CDK5RAP2: variants seen among roughly 807,000 people sequenced by gnomAD.
CDK5RAP2 encodes the protein CDK5 regulatory subunit-associated protein 2.
CDK5RAP2 carries 147 observed loss-of-function variants against 232.9 expected under a neutral mutation model. The ratio of observed to expected loss-of-function variants is 0.63; its 90% CI spans 0.55 to 0.72. CDK5RAP2 has a LOEUF of 0.72. CDK5RAP2 is among the 30% of genes least tolerant of loss of function. The pLI is 0.00. For synonymous variants in CDK5RAP2, 833 were observed against 833.7 expected (o/e 1.00, Z 0.01); for missense variants, 2,195 against 2,231.5 (o/e 0.98, Z 0.33).
chr9:120,575,919 T>C (rs2043016048), intron 1 of CDK5RAP2, among the ~76,000 whole-genome samples: 1 of 152,216 alleles, frequency 6.6e-6, no homozygotes, highest in Non-Finnish European at 1.5e-5. Flanking sequence ...CAAATAGATA[T>C]GCCTCAAAGT....
At chr9:120,421,615 C>T (rs1239405374) in intron 26 of CDK5RAP2, among the ~76,000 whole-genome samples, 2 of 152,168 alleles carry the variant, frequency 1.3e-5, no homozygotes, top group East Asian at 3.8e-4. Context: ...TACACAGCAA[C>T]AATAATAGCA....
chr9:120,443,602 CA>C lies in CDK5RAP2; in HGVS notation c.3148+17del. The C allele has an allele frequency of 1.9e-6, 3 of 1,613,908 alleles. No individual in the cohort carries two copies. Among genetic ancestry groups the C allele is most frequent in the Non-Finnish European group, 2.5e-6 (3 of 1,179,834 alleles). ...GCACATGGAAGCTGTTCAATACACA[CA>C]GGGGCTGAATTCTGACCAATCTCGT... On this transcript the variant is annotated intron_variant, in intron 23 of 37. Transcript: ENST00000349780.
chr9:120,512,231 C>T (rs2040128055), intron 12 of CDK5RAP2, among the ~76,000 whole-genome samples: 1 of 152,088 alleles, frequency 6.6e-6, no homozygotes, highest in Admixed American at 6.5e-5. Flanking sequence ...TGTCTATAGT[C>T]CCAGCTACTC....
intron 5 of CDK5RAP2, among the ~76,000 whole-genome samples, chr9:120,544,961 GTT>G (rs1725110527): frequency 6.6e-6 from 1 of 152,108 alleles, no homozygotes; most frequent in Non-Finnish European, 1.5e-5. Context: ...TGTAATAAAT[GTT>G]TACGAATGAG....
Position 120,407,125 on chromosome 9 carries a change from C to T in CDK5RAP2, c.4850G>A (p.Ser1617Asn), listed in dbSNP as rs370472476. Reference protein sequence around the residue: ...RSIETSSTLQSRLKEQLARGA... With the variant: ...RSIETSSTLQNRLKEQLARGA... ...CCTTGCCAGCTGTTCCTTGAGCCTG[C>T]TCTGCAGAGTGCTGCTGGTTTCGAT... Residue 1617 changes from serine to asparagine, a missense_variant, in exon 32 of 38, where the codon AGC becomes AAC. Physicochemically the swap from Ser to Asn is conservative, Grantham distance 46. Coordinates refer to ENST00000349780, the MANE Select transcript of CDK5RAP2 (RefSeq NM_018249.6). 3.0e-5 allele frequency: 49 copies of T among 1,614,000 alleles called. No individual in the cohort carries two copies. The highest frequency in any genetic ancestry group is 3.6e-5 in the Non-Finnish European group (43 of 1,180,046).
At chr9:120,400,678 G>C (rs2032925671) in intron 35 of CDK5RAP2, 64 bp downstream of exon 35, 19 of 1,601,276 alleles carry the variant, frequency 1.2e-5, no homozygotes, top group Non-Finnish European at 1.6e-5. Flanking sequence ...GCTTGGCATG[G>C]AGGAAACTGA....
At chr9:120,512,322 C>A (rs2040131994) in intron 12 of CDK5RAP2, among the ~76,000 whole-genome samples, 2 of 152,178 alleles carry the variant, frequency 1.3e-5, no homozygotes, top group Admixed American at 1.3e-4. Context: ...ACACAACAGC[C>A]TGAGTGACAG....
chr9:120,470,282 A>G (rs1365717440), intron 16 of CDK5RAP2, 62 bp from the exon 17 acceptor site: 1 of 802,564 alleles, frequency 1.2e-6, no homozygotes, highest in Non-Finnish European at 2.1e-6. Context: ...TCAGAAACAG[A>G]TCCTCCCAAG....
Position 120,389,772 on chromosome 9 carries a change from T to C in CDK5RAP2, c.5594A>G (p.Lys1865Arg). ...VIFDQLVVTHKILRKARGNLE... is the reference protein window; with the variant it reads ...VIFDQLVVTHRILRKARGNLE... ...GTTTCCTCTGGCCTTCCGAAGGATT[T>C]TGTGGGTTACGACCACTGAGGAGAG... Residue 1865 changes from lysine (K) to arginine (R), a missense_variant, in exon 37 of 38, where the codon AAA (lysine) becomes AGA (arginine). By Grantham distance (26) the Lys-to-Arg change is conservative (BLOSUM62 2). Coordinates refer to ENST00000349780, the MANE Select transcript of CDK5RAP2 (RefSeq NM_018249.6). 1 of 1,614,126 alleles carries C rather than the reference T, an allele frequency of 6.2e-7. No homozygotes were observed. Among genetic ancestry groups the C allele is most frequent in the South Asian group, 1.1e-5 (1 of 91,082 alleles).
intron 12 of CDK5RAP2, among the ~76,000 whole-genome samples, chr9:120,518,135 C>T (rs1028208626): frequency 7.1e-6 from 1 of 141,654 alleles, no homozygotes; most frequent in Non-Finnish European, 1.5e-5. Flanking sequence ...AAGCACGATA[C>T]AAAACTGTAT....
At position 120,413,410 on chromosome 9, in the gene CDK5RAP2, T is replaced by C. The variant is rs529921985; in HGVS notation, c.4297+1630A>G. 6.5e-4 allele frequency among the ~76,000 whole-genome samples: 99 copies of C among 152,318 alleles called. 1 individual carries two copies. In the South Asian group the frequency reaches 0.018, roughly 28 times the overall value. On this transcript the variant is annotated intron_variant, in intron 28 of 37. Coordinates refer to ENST00000349780, the MANE Select transcript of CDK5RAP2 (RefSeq NM_018249.6). ...CCTTTCTCAGGCCTGCTCCCCAAGGTAAACATTTCACAGCAGGGGGAGGCG... is the reference window on the plus strand; with the variant it reads ...CCTTTCTCAGGCCTGCTCCCCAAGGCAAACATTTCACAGCAGGGGGAGGCG...
intron 12 of CDK5RAP2, among the ~76,000 whole-genome samples, chr9:120,504,260 C>T (rs1011970233): frequency 6.6e-6 from 1 of 152,038 alleles, no homozygotes; most frequent in Non-Finnish European, 1.5e-5. Flanking sequence ...ACAAAGATGA[C>T]TGATGAGGAA....
intron 13 of CDK5RAP2, among the ~76,000 whole-genome samples, chr9:120,488,140 T>G (rs1322497459): frequency 2.0e-5 from 3 of 152,186 alleles, no homozygotes; most frequent in Non-Finnish European, 4.4e-5. Context: ...TAGTAACTCC[T>G]GAACTAGGAT....
chr9:120,563,523 T>C (rs1289599961), intron 3 of CDK5RAP2, among the ~76,000 whole-genome samples: 1 of 152,234 alleles, frequency 6.6e-6, no homozygotes, highest in Non-Finnish European at 1.5e-5. Context: ...GAGTACCCTC[T>C]ATGCACCAAG....
chr9:120,467,565 A>G (rs1218258604), intron 18 of CDK5RAP2, among the ~76,000 whole-genome samples: 1 of 152,240 alleles, frequency 6.6e-6, no homozygotes, highest in Non-Finnish European at 1.5e-5. Flanking sequence ...ATACATATAT[A>G]TAAATATATG....
At chr9:120,429,654 G>C (rs2035150972) in intron 25 of CDK5RAP2, among the ~76,000 whole-genome samples, 1 of 152,122 alleles carries the variant, frequency 6.6e-6, no homozygotes, top group Non-Finnish European at 1.5e-5. Context: ...TGGGTAGGAA[G>C]AATCAATATT....
intron 12 of CDK5RAP2, among the ~76,000 whole-genome samples, chr9:120,492,668 G>A (rs1157979423): frequency 2.6e-5 from 4 of 152,074 alleles, no homozygotes; most frequent in Admixed American, 6.6e-5. Context: ...TACATCCCTA[G>A]TGGGATATTT....
chr9:120,411,329 A>C (rs752500134), intron 29 of CDK5RAP2, 29 bp downstream of exon 29: 1 of 1,360,436 alleles, frequency 7.4e-7, no homozygotes, highest in African/African-American at 1.4e-5. Flanking sequence ...TTGGCGTTCC[A>C]GACTTCCAGT....
chr9:120,397,544 T>TAAAAAAAAAAAAAAAA (rs760469422), intron 35 of CDK5RAP2, among the ~76,000 whole-genome samples: 1 of 49,002 alleles, frequency 2.0e-5, no homozygotes, highest in Non-Finnish European at 3.7e-5. Context: ...AAAACATTCT[T>TAAAAAAAAAAAAAAAA]AAAAAAAAAA....
Sources: gnomAD v4.1 joint callset for allele counts (sites outside exome capture counted in the v4.1 genomes callset) on GRCh38, gnomAD v4.1.1 for gene constraint, MANE v1.5 for transcripts, NCBI Gene and HGNC (gene_info 2026-07-23, HGNC 2026-07-21) for gene names.